RAD51B: variants seen among roughly 807,000 people sequenced by gnomAD.
RAD51B encodes the protein RAD51 paralog B.
A neutral mutation model predicts 42.2 loss-of-function variants in RAD51B; 38 were observed. The ratio of observed to expected loss-of-function variants is 0.90; its 90% CI spans 0.70 to 1.18. RAD51B has a LOEUF of 1.18. Ranked by LOEUF, RAD51B falls within the 50% of genes most tolerant of loss-of-function variation. The probability of loss-of-function intolerance (pLI) is 0.00; values close to 1 mark genes in which losing one functional copy is unlikely to be tolerated. For synonymous variants in RAD51B, 154 were observed against 145.2 expected (o/e 1.06, Z -0.43); for missense variants, 373 against 400.7 (o/e 0.93, Z 0.59).
At chr14:68,103,070 T>C (rs1432775968) in intron 7 of RAD51B, among the ~76,000 whole-genome samples, 2 of 152,118 alleles carry the variant, frequency 1.3e-5, no homozygotes, top group Non-Finnish European at 2.9e-5. Flanking sequence ...ACCACCCCCA[T>C]GATGCAGTTA....
At chr14:68,284,810 A>G (rs1216316820) in intron 7 of RAD51B, among the ~76,000 whole-genome samples, 2 of 152,168 alleles carry the variant, frequency 1.3e-5, no homozygotes, top group East Asian at 3.9e-4. Flanking sequence ...GCATGGCAAA[A>G]CTAAGCCAGC....
intron 11 of RAD51B, among the ~76,000 whole-genome samples, chr14:68,662,952 C>T (rs192959452): frequency 7.6e-4 from 116 of 152,324 alleles, no homozygotes; most frequent in South Asian, 2.1e-3. Context: ...CATTACTGGG[C>T]ACCCTTGCCC....
chr14:68,440,630 C>A (rs1222007597), intron 9 of RAD51B, among the ~76,000 whole-genome samples: 1 of 152,006 alleles, frequency 6.6e-6, no homozygotes, highest in Non-Finnish European at 1.5e-5. Context: ...CCTGTAATCC[C>A]AGGTACTTGG....
intron 7 of RAD51B, among the ~76,000 whole-genome samples, chr14:68,267,080 G>A (rs1464837562): frequency 6.6e-6 from 1 of 152,198 alleles, no homozygotes; most frequent in Non-Finnish European, 1.5e-5. Flanking sequence ...TGACTTGTAA[G>A]TCTAACCCAG....
chr14:67,927,785 A>ATATATACAC (rs1332025885), intron 7 of RAD51B, among the ~76,000 whole-genome samples: 3,651 of 148,918 alleles, frequency 0.025, 205 homozygotes, highest in African/African-American at 0.088. Flanking sequence ...ACACATATAT[A>ATATATACAC]ATGTGTGTGT....
chr14:68,055,845 A>ACAAAACGT (rs1433270068), intron 7 of RAD51B, among the ~76,000 whole-genome samples: 1 of 152,232 alleles, frequency 6.6e-6, no homozygotes, highest in Admixed American at 6.5e-5. Context: ...GTTAGAAGTC[A>ACAAAACGT]CAAAACGTGA....
intron 8 of RAD51B, among the ~76,000 whole-genome samples, chr14:68,381,659 G>A (rs1331275768): frequency 6.6e-6 from 1 of 152,080 alleles, no homozygotes; most frequent in Non-Finnish European, 1.5e-5. Context: ...CTGCTCAGGC[G>A]ACAGAGCAAG....
At chr14:67,926,017 C>T (rs1352545663) in intron 7 of RAD51B, among the ~76,000 whole-genome samples, 1 of 152,182 alleles carries the variant, frequency 6.6e-6, no homozygotes, top group East Asian at 1.9e-4. Context: ...CCTCCTAGGC[C>T]TCCTGGCCTG....
chr14:68,555,034 G>C (rs1888763893), intron 10 of RAD51B, among the ~76,000 whole-genome samples: 1 of 152,022 alleles, frequency 6.6e-6, no homozygotes, highest in Non-Finnish European at 1.5e-5. Context: ...TTTTAGTAGA[G>C]ACAAAGTTTC....
chr14:67,898,007 A>C (rs2043481790), intron 7 of RAD51B, among the ~76,000 whole-genome samples: 1 of 152,182 alleles, frequency 6.6e-6, no homozygotes, highest in Non-Finnish European at 1.5e-5. Flanking sequence ...TATGGAAAAC[A>C]GTTTGGAGGT....
chr14:67,835,087 G>A lies in RAD51B; in HGVS notation c.206G>A (p.Gly69Glu). ...AATCATTTTCTTGTTTAGGCTTATGGGATAAAAGCACAAAGGTCTGCTGAT... is the reference window on the plus strand; with the variant it reads ...AATCATTTTCTTGTTTAGGCTTATGAGATAAAAGCACAAAGGTCTGCTGAT... ...ACAPKMQTAY[G>E]IKAQRSADFS... Residue 69 changes from glycine to glutamate, a missense_variant, in exon 4 of 11, where the codon GGG (glycine) becomes GAG (glutamate). Coordinates refer to ENST00000471583, the MANE Select transcript of RAD51B (RefSeq NM_133510.4). The A allele has an allele frequency of 6.2e-7, 1 of 1,609,218 alleles. No homozygotes were observed. The highest frequency in any genetic ancestry group is 8.5e-7 in the Non-Finnish European group (1 of 1,175,830).
At chr14:68,020,033 G>A (rs1409239010) in intron 7 of RAD51B, among the ~76,000 whole-genome samples, 1 of 152,134 alleles carries the variant, frequency 6.6e-6, no homozygotes, top group Non-Finnish European at 1.5e-5. Flanking sequence ...CTAAGCTTTG[G>A]GGTTCTTATT....
chr14:68,648,036 T>TATATATATATATATATATATATAC (rs375269798), intron 10 of RAD51B, among the ~76,000 whole-genome samples: 9 of 114,006 alleles, frequency 7.9e-5, no homozygotes, highest in South Asian at 2.8e-4. Flanking sequence ...TATATATATA[T>TATATATATATATATATATATATAC]ACACACGTAT....
chr14:67,884,237 GACC>G (rs1298124950), intron 5 of RAD51B, among the ~76,000 whole-genome samples: 1 of 152,120 alleles, frequency 6.6e-6, no homozygotes, highest in Non-Finnish European at 1.5e-5. Context: ...TCTATCCATT[GACC>G]ACCATTCCTT....
rs368525175 is a variant in RAD51B, at chr14:68,166,969, C to T, written c.757-124915C>T. Among the ~76,000 whole-genome samples, 48 of 152,214 alleles carry T rather than the reference C, an allele frequency of 3.2e-4. No individual in the cohort carries two copies. In the South Asian group the frequency reaches 7.9e-3, roughly 25 times the overall value. On this transcript the variant is annotated intron_variant, in intron 7 of 10. Transcript: ENST00000471583. ...CCATCCCACAATTACTACCTTAATTCGGCTTTTGCTCTTCTGTCACCGGGC... is the reference window on the plus strand; with the variant it reads ...CCATCCCACAATTACTACCTTAATTTGGCTTTTGCTCTTCTGTCACCGGGC...
chr14:68,576,969 C>G (rs925792185), intron 10 of RAD51B, among the ~76,000 whole-genome samples: 7 of 152,180 alleles, frequency 4.6e-5, no homozygotes, highest in Non-Finnish European at 7.4e-5. Flanking sequence ...AGGGGCATTC[C>G]GTTTGTGGTT....
chr14:68,003,085 G>A (rs1046813498), intron 7 of RAD51B, among the ~76,000 whole-genome samples: 7 of 152,094 alleles, frequency 4.6e-5, no homozygotes, highest in South Asian at 2.1e-4. Flanking sequence ...GTAGTTTAAC[G>A]GGAACAGCAT....
chr14:68,220,682 T>C (rs1451208185), intron 7 of RAD51B, among the ~76,000 whole-genome samples: 2 of 152,192 alleles, frequency 1.3e-5, no homozygotes, highest in African/African-American at 4.8e-5. Flanking sequence ...TATTTGCCAA[T>C]GATATGATGG....
chr14:68,468,632 G>A, intron 10 of RAD51B: 1 of 338,110 alleles, frequency 3.0e-6, no homozygotes, highest in Non-Finnish European at 5.8e-6. Flanking sequence ...GAGCCTTCTT[G>A]CTTAACAAGC....
Sources: allele counts gnomAD v4.1 joint callset (sites outside exome capture counted in the v4.1 genomes callset), GRCh38; gene constraint gnomAD v4.1.1; transcripts MANE v1.5; gene names NCBI Gene and HGNC (gene_info 2026-07-23, HGNC 2026-07-21).